Variants in AGPS observed in about 807,000 individuals in gnomAD.
AGPS encodes the protein alkylglycerone phosphate synthase, also known as alkyldihydroxyacetonephosphate synthase, peroxisomal.
Under a neutral mutation model 90.7 loss-of-function variants are expected in AGPS, and 26 were observed. The observed-to-expected ratio is 0.29, with a 90% CI of 0.21 to 0.40. AGPS has a LOEUF of 0.40. AGPS is among the 10% of genes least tolerant of loss of function. The probability of loss-of-function intolerance (pLI) is 1.00; values close to 1 mark genes in which losing one functional copy is unlikely to be tolerated. For missense variants in AGPS, 540 were observed against 816.1 expected (o/e 0.66, Z 4.12); for synonymous variants, 294 against 285.3 (o/e 1.03, Z -0.31).
At chr2:177,488,578 A>G (rs1170320325) in intron 11 of AGPS, among the ~76,000 whole-genome samples, 1 of 152,188 alleles carries the variant, frequency 6.6e-6, no homozygotes, top group Non-Finnish European at 1.5e-5. Flanking sequence ...AATGGATAGT[A>G]TGCAGTTATA....
chr2:177,463,751 G>C (rs1228139968), intron 9 of AGPS, among the ~76,000 whole-genome samples: 2 of 151,910 alleles, frequency 1.3e-5, no homozygotes, highest in African/African-American at 2.4e-5. Context: ...TGATCCTTTT[G>C]CTATTGGATT....
chr2:177,524,466 G>A (rs1364873357), intron 19 of AGPS, among the ~76,000 whole-genome samples: 1 of 152,000 alleles, frequency 6.6e-6, no homozygotes, highest in African/African-American at 2.4e-5. Context: ...CAATGTTTGA[G>A]GTTATCCACT....
Position 177,532,911 on chromosome 2 carries a change from A to C in AGPS, c.1856-5163A>C, listed in dbSNP as rs76055294. Among the ~76,000 whole-genome samples the C allele has an allele frequency of 5.6e-3, 858 of 152,356 alleles. 9 individuals are homozygous for C. Among genetic ancestry groups the C allele is most frequent in the African/African-American group, 0.02 (817 of 41,584 alleles). On this transcript the variant is annotated intron_variant, in intron 19 of 19. Coordinates refer to ENST00000264167, the MANE Select transcript of AGPS (RefSeq NM_003659.4). ...TTACATACTGCCTGGTTCTATTTCTATAACATTTTTGAAATGACAAAATCT... is the reference window on the plus strand; with the variant it reads ...TTACATACTGCCTGGTTCTATTTCTCTAACATTTTTGAAATGACAAAATCT...
intron 1 of AGPS, among the ~76,000 whole-genome samples, chr2:177,411,141 G>A (rs1459357193): frequency 2.0e-5 from 3 of 152,074 alleles, no homozygotes; most frequent in Non-Finnish European, 4.4e-5. Context: ...AAAAAACTGA[G>A]GTTGCCAAGT....
At chr2:177,454,819 G>T (rs1687062179) in intron 8 of AGPS, among the ~76,000 whole-genome samples, 1 of 152,048 alleles carries the variant, frequency 6.6e-6, no homozygotes, top group Non-Finnish European at 1.5e-5. Flanking sequence ...GTATGACATT[G>T]TTGGATATCC....
At chr2:177,440,367 A>G (rs1363022574) in intron 5 of AGPS, among the ~76,000 whole-genome samples, 1 of 152,150 alleles carries the variant, frequency 6.6e-6, no homozygotes, top group Non-Finnish European at 1.5e-5. Flanking sequence ...TGCACTGACA[A>G]AGATGCAACA....
At chr2:177,420,186 T>G (rs1685904567) in intron 1 of AGPS, 83 bp from the exon 2 acceptor site, 2 of 877,252 alleles carry the variant, frequency 2.3e-6, no homozygotes, top group African/African-American at 3.3e-5. Flanking sequence ...TTTAGATGAT[T>G]GTGAGTTAAT....
At chr2:177,481,735 T>G (rs1044546854) in intron 10 of AGPS, among the ~76,000 whole-genome samples, 2 of 152,042 alleles carry the variant, frequency 1.3e-5, no homozygotes, top group African/African-American at 4.8e-5. Flanking sequence ...GAATCCATTG[T>G]TTTTCAATTT....
Position 177,404,565 on chromosome 2 carries a change from A to G in AGPS, c.260+11516A>G, listed in dbSNP as rs138648431. ...CATCCACCTAGATTCTACTGTTAAC[A>G]TGTTACTGTGCTTATCACATATCCA... On this transcript the variant is annotated intron_variant, in intron 1 of 19. Coordinates refer to ENST00000264167, the MANE Select transcript of AGPS (RefSeq NM_003659.4). Among the ~76,000 whole-genome samples, 15 of 152,320 alleles carry G rather than the reference A, an allele frequency of 9.8e-5. No homozygotes were observed. The East Asian group carries it at 2.9e-3, about 29-fold the overall frequency.
At chr2:177,470,710 C>CAAA (rs369412625) in intron 10 of AGPS, among the ~76,000 whole-genome samples, 1,602 of 108,556 alleles carry the variant, frequency 0.015, 45 homozygotes, top group African/African-American at 0.056. Context: ...GACTTTGTCT[C>CAAA]AAAAAAAAAA....
Position 177,517,715 on chromosome 2 carries a change from C to A in AGPS, c.1698-3554C>A, listed in dbSNP as rs185837973. 2.6e-3 allele frequency among the ~76,000 whole-genome samples: 391 copies of A among 152,158 alleles called. 4 individuals are homozygous for A. The highest frequency in any genetic ancestry group is 9.0e-3 in the African/African-American group (374 of 41,532). On this transcript the variant is annotated intron_variant, in intron 17 of 19. Coordinates refer to ENST00000264167, the MANE Select transcript of AGPS (RefSeq NM_003659.4). ...GTATTGTACAAATATTTCCTGTGTA[C>A]CCTTTACTCATCTTCCTCAAATGCT...
intron 11 of AGPS, among the ~76,000 whole-genome samples, chr2:177,488,422 T>C (rs975815091): frequency 2.6e-5 from 4 of 152,090 alleles, no homozygotes; most frequent in Non-Finnish European, 5.9e-5. Context: ...TTCACCGTGT[T>C]AGCCAGGATT....
intron 1 of AGPS, among the ~76,000 whole-genome samples, chr2:177,399,698 A>G (rs180705745): frequency 6.6e-6 from 1 of 152,216 alleles, no homozygotes; most frequent in East Asian, 1.9e-4. Context: ...CATCTATTTT[A>G]TCTGTATTTA....
intron 2 of AGPS, among the ~76,000 whole-genome samples, chr2:177,433,916 C>T (rs1022264772): frequency 1.3e-5 from 2 of 152,080 alleles, no homozygotes; most frequent in African/African-American, 4.8e-5. Flanking sequence ...TCTCGGTATG[C>T]TTTCCAGATG....
In AGPS at chr2:177,539,001, A is replaced by G. The variant is rs144386872; in HGVS notation, c.*806A>G. ...TGCCTTTATTCAACTTAGAGTCCTA[A>G]TGTTTCTGATTTCACATTCTTGTTG... On this transcript the variant is annotated 3_prime_UTR_variant, in exon 20 of 20. Transcript: ENST00000264167. The G allele has an allele frequency of 6.6e-6, 1 of 152,160 alleles. No homozygotes were observed. Among genetic ancestry groups the G allele is most frequent in the East Asian group, 1.9e-4 (1 of 5,180 alleles). The allele number at this position is 152,160 out of a possible 1,614,324, so 9.4% of individuals were successfully genotyped here. A position where few individuals can be genotyped will look rare whatever the true frequency, so the allele number is the denominator to read the frequency against.
At chr2:177,403,686 C>G (rs1394051710) in intron 1 of AGPS, among the ~76,000 whole-genome samples, 6 of 152,194 alleles carry the variant, frequency 3.9e-5, no homozygotes, top group African/African-American at 1.4e-4. Context: ...TGGCTTAGAT[C>G]CTTTCAGACA....
intron 9 of AGPS, 101 bp from the exon 10 acceptor site, chr2:177,468,315 C>T (rs1283057019): frequency 3.0e-6 from 2 of 662,444 alleles, no homozygotes; most frequent in Admixed American, 2.6e-5. Context: ...TAACCCAATA[C>T]TTTAAAAGTA....
chr2:177,434,991 C>G (rs1686355560), intron 3 of AGPS, among the ~76,000 whole-genome samples: 1 of 34,020 alleles, frequency 2.9e-5, no homozygotes, highest in Non-Finnish European at 5.3e-5. Flanking sequence ...AAACTTTAAA[C>G]TGTAGGTATA....
chr2:177,442,616 G>T lies in AGPS; in HGVS notation c.789+130G>T, dbSNP rs554939677. On this transcript the variant is annotated intron_variant, in intron 7 of 19. Coordinates refer to ENST00000264167, the MANE Select transcript of AGPS (RefSeq NM_003659.4). ...AATCCCAGCACCTGGGGAGGCTGAG[G>T]TGGGTGGATCACTTGAGGTCGGGAG... The T allele has an allele frequency of 4.2e-6, 3 of 721,904 alleles. No homozygotes were observed. The East Asian group carries it at 8.4e-5, about 20-fold the overall frequency. 44.7% of individuals were successfully genotyped at this position (721,904 alleles called of 1,614,324 possible).
Sources: gnomAD v4.1 joint callset for allele counts (sites outside exome capture counted in the v4.1 genomes callset) on GRCh38, gnomAD v4.1.1 for gene constraint, MANE v1.5 for transcripts, NCBI Gene and HGNC (gene_info 2026-07-23, HGNC 2026-07-21) for gene names.